SENP7: variants seen among roughly 807,000 people sequenced by gnomAD.
The protein encoded by SENP7 is sentrin-specific protease 7.
Under a neutral mutation model 141.2 loss-of-function variants are expected in SENP7, and 64 were observed. The ratio of observed to expected loss-of-function variants is 0.45; its 90% confidence interval spans 0.37 to 0.56. The LOEUF (loss-of-function observed/expected upper bound fraction) is 0.56. SENP7 is among the 20% of genes least tolerant of loss of function. The pLI, the probability that SENP7 is intolerant of heterozygous loss-of-function variation, is 0.00. For missense variants in SENP7, 1,025 were observed against 1,212.2 expected (o/e 0.85, Z 2.29); for synonymous variants, 382 against 426.4 (o/e 0.90, Z 1.28).
At chr3:101,495,081 GA>G (rs147463800) in intron 2 of SENP7, among the ~76,000 whole-genome samples, 2 of 151,748 alleles carry the variant, frequency 1.3e-5, no homozygotes, top group Non-Finnish European at 2.9e-5. Flanking sequence ...AAATTTATAA[GA>G]AAAAAAATTC....
intron 4 of SENP7, among the ~76,000 whole-genome samples, chr3:101,423,868 C>A (rs912717547): frequency 2.6e-5 from 4 of 152,174 alleles, no homozygotes; most frequent in Non-Finnish European, 5.9e-5. Context: ...CAGGAGGAGA[C>A]CCCTCAACCA....
At chr3:101,401,094 C>A (rs1262304682) in intron 5 of SENP7, among the ~76,000 whole-genome samples, 7 of 109,622 alleles carry the variant, frequency 6.4e-5, no homozygotes, top group South Asian at 5.8e-4. Flanking sequence ...AAGTCCTTGT[C>A]TCAAAAAAAA....
At chr3:101,453,537 T>TA (rs1325079826) in intron 4 of SENP7, among the ~76,000 whole-genome samples, 1 of 152,132 alleles carries the variant, frequency 6.6e-6, no homozygotes, top group African/African-American at 2.4e-5. Flanking sequence ...TATGCAGCCA[T>TA]AAAAAATGAT....
rs79328237 is a variant in SENP7 at position 101,454,221 on chromosome 3, T to C, written c.284+4734A>G. 6.6e-5 allele frequency among the ~76,000 whole-genome samples: 10 copies of C among 152,314 alleles called. No homozygotes were observed. In the East Asian group the frequency reaches 1.9e-3, roughly 29 times the overall value. On this transcript the variant is annotated intron_variant, in intron 4 of 23. Coordinates refer to ENST00000394095, the MANE Select transcript of SENP7 (RefSeq NM_020654.5). The stretch of plus-strand genomic sequence containing the variant: ...TATTCAAGATAAATGAAAACATATG[T>C]ATGTCTAAGAATGGGCACAGTGGCT...
rs746650479 is a variant in SENP7, at chr3:101,366,787, GA to G, written c.979-19del. 8.7e-6 allele frequency: 13 copies of G among 1,489,704 alleles called. No homozygotes were observed. The highest frequency in any genetic ancestry group is 1.1e-5 in the Non-Finnish European group (12 of 1,109,748). The allele number at this position is 1,489,704 out of a possible 1,614,324, so 92.3% of individuals were successfully genotyped here. On this transcript the variant is annotated intron_variant, in intron 8 of 23. Transcript: ENST00000394095. ...TGTTTTTTCTAAACATAAACACATA[GA>G]AAAAAATAGCATTTTTCAAATTTGG...
At chr3:101,383,577 C>T (rs2060567590) in intron 6 of SENP7, among the ~76,000 whole-genome samples, 1 of 152,240 alleles carries the variant, frequency 6.6e-6, no homozygotes, top group African/African-American at 2.4e-5. Flanking sequence ...CCAGCCTCTC[C>T]ACTCTCAGTG....
intron 4 of SENP7, among the ~76,000 whole-genome samples, chr3:101,419,566 T>C (rs2061726538): frequency 6.6e-6 from 1 of 151,956 alleles, no homozygotes; most frequent in African/African-American, 2.4e-5. Context: ...ATATAGCAAA[T>C]GAAAGTAGTT....
At chr3:101,408,242 T>C (rs2061359249) in intron 5 of SENP7, among the ~76,000 whole-genome samples, 1 of 151,964 alleles carries the variant, frequency 6.6e-6, no homozygotes, top group Non-Finnish European at 1.5e-5. Context: ...AAGAATTAGG[T>C]ACCCTGAACA....
At chr3:101,451,395 C>T (rs1240098490) in intron 4 of SENP7, among the ~76,000 whole-genome samples, 1 of 152,142 alleles carries the variant, frequency 6.6e-6, no homozygotes, top group Non-Finnish European at 1.5e-5. Flanking sequence ...ATACCAAAGC[C>T]TGGCAGAGAC....
intron 7 of SENP7, among the ~76,000 whole-genome samples, chr3:101,369,760 C>T (rs952785073): frequency 4.6e-5 from 7 of 152,054 alleles, no homozygotes; most frequent in Non-Finnish European, 1.0e-4. Flanking sequence ...ATTTGCATAT[C>T]AGTCAAGCCT....
At chr3:101,489,225 A>G (rs1576505770) in intron 3 of SENP7, among the ~76,000 whole-genome samples, 1 of 152,354 alleles carries the variant, frequency 6.6e-6, no homozygotes, top group East Asian at 1.9e-4. Context: ...TTAAGCACAT[A>G]GCCCACAGAC....
At chr3:101,510,916 C>T (rs1458052845) in intron 1 of SENP7, among the ~76,000 whole-genome samples, 1 of 150,678 alleles carries the variant, frequency 6.6e-6, no homozygotes, top group Non-Finnish European at 1.5e-5. Flanking sequence ...ATGGCAACTG[C>T]ATGCCTACAA....
intron 4 of SENP7, among the ~76,000 whole-genome samples, chr3:101,446,138 C>T (rs2107800918): frequency 6.6e-6 from 1 of 152,250 alleles, no homozygotes; most frequent in East Asian, 1.9e-4. Context: ...AGTGCCTCTC[C>T]CTTCGTTCTC....
intron 11 of SENP7, among the ~76,000 whole-genome samples, chr3:101,352,236 TA>T (rs1427414791): frequency 6.6e-6 from 1 of 152,020 alleles, no homozygotes; most frequent in African/African-American, 2.4e-5. Context: ...TTTTACCACA[TA>T]AAAGCAGAAC....
chr3:101,327,775 C>T lies in SENP7; in HGVS notation c.2906G>A (p.Arg969His), dbSNP rs1055899376. Reference protein sequence around the residue: ...VEWEVKLKTHRQFSKTNMVDL... With the variant: ...VEWEVKLKTHHQFSKTNMVDL... ...CACCATGTTTGTTTTGCTGAATTGA[C>T]GATGAGTTTTTAGTTTAACTTCCCA... Residue 969 changes from arginine (R) to histidine (H), a missense_variant, in exon 23 of 24, where the codon CGT becomes CAT. Physicochemically the swap from Arg to His is conservative, Grantham distance 29. Coordinates refer to ENST00000394095, the MANE Select transcript of SENP7 (RefSeq NM_020654.5). The T allele has an allele frequency of 3.7e-6, 6 of 1,610,464 alleles. No individual in the cohort carries two copies. The highest frequency in any genetic ancestry group is 3.4e-5 in the Admixed American group (2 of 59,620).
chr3:101,404,583 T>G (rs2061244807), intron 5 of SENP7, among the ~76,000 whole-genome samples: 1 of 152,118 alleles, frequency 6.6e-6, no homozygotes, highest in African/African-American at 2.4e-5. Flanking sequence ...GGGATCTAAT[T>G]AAACTAAGGA....
In SENP7 at chr3:101,348,060, A is replaced by C; in HGVS notation, c.1658-9T>G. 1.9e-6 allele frequency: 3 copies of C among 1,554,298 alleles called. No individual in the cohort carries two copies. The highest frequency in any genetic ancestry group is 2.6e-6 in the Non-Finnish European group (3 of 1,151,738). On this transcript the variant is annotated splice_polypyrimidine_tract_variant and intron_variant, in intron 12 of 23. Coordinates refer to ENST00000394095, the MANE Select transcript of SENP7 (RefSeq NM_020654.5). The stretch of plus-strand genomic sequence containing the variant: ...AATCTCATTCAGGGACACTGAAACA[A>C]ATAAAAGACAACAATTTAAAAAATT...
chr3:101,411,418 T>C (rs1220572348), intron 5 of SENP7, among the ~76,000 whole-genome samples: 1 of 152,230 alleles, frequency 6.6e-6, no homozygotes, highest in East Asian at 1.9e-4. Flanking sequence ...CAGTTAGCAA[T>C]GACTACAGTA....
chr3:101,444,809 G>A (rs1205584108), intron 4 of SENP7, among the ~76,000 whole-genome samples: 1 of 151,502 alleles, frequency 6.6e-6, no homozygotes, highest in Non-Finnish European at 1.5e-5. Flanking sequence ...GAGTTAGTGG[G>A]TGCAGCGCAC....
Sources: gnomAD v4.1 joint callset for allele counts (sites outside exome capture counted in the v4.1 genomes callset) on GRCh38, gnomAD v4.1.1 for gene constraint, MANE v1.5 for transcripts, NCBI Gene and HGNC (gene_info 2026-07-23, HGNC 2026-07-21) for gene names.